The following LIPI variants were observed in gnomAD, a reference collection of about 807,000 sequenced individuals.
LIPI encodes the protein lipase member I.
LIPI carries 59 observed loss-of-function variants against 50.6 expected under a neutral mutation model. That is an observed-to-expected ratio of 1.16 (90% confidence interval 0.94 to 1.45). The LOEUF (loss-of-function observed/expected upper bound fraction) is 1.45, where lower values mean the gene tolerates loss of function less well. Among genes scored for constraint, LIPI ranks in the 40% most tolerant of loss-of-function variants. The pLI is 0.00. For missense variants in LIPI, 586 were observed against 536.3 expected (o/e 1.09, Z -0.92); for synonymous variants, 203 against 178.2 (o/e 1.14, Z -1.11).
chr21:14,137,517 A>G lies in LIPI; in HGVS notation c.1295+7106T>C, dbSNP rs531371515. Among the ~76,000 whole-genome samples the G allele has an allele frequency of 2.4e-3, 360 of 152,290 alleles. 1 individual carries two copies. The highest frequency in any genetic ancestry group is 0.014 in the Middle Eastern group (4 of 294). ...GAAAGAAGAATTAGTGAACTTAAAGACAGGCTATTTGAAAATACAGTCAGA... is the reference window on the plus strand; with the variant it reads ...GAAAGAAGAATTAGTGAACTTAAAGGCAGGCTATTTGAAAATACAGTCAGA... On this transcript the variant is annotated intron_variant, in intron 9 of 9. Transcript: ENST00000681601.
intron 1 of LIPI, among the ~76,000 whole-genome samples, chr21:14,202,530 A>C (rs1302218864): frequency 6.6e-6 from 1 of 152,180 alleles, no homozygotes; most frequent in Non-Finnish European, 1.5e-5. Flanking sequence ...ATAATGCCGC[A>C]TATCTACAAC....
rs540610454 is a variant in LIPI, at chr21:14,134,791, C to T, written c.1295+9832G>A. Among the ~76,000 whole-genome samples the T allele has an allele frequency of 7.9e-5, 12 of 151,970 alleles. No individual in the cohort carries two copies. The East Asian group carries it at 1.2e-3, about 15-fold the overall frequency. On this transcript the variant is annotated intron_variant, in intron 9 of 9. Coordinates refer to ENST00000681601, the MANE Select transcript of LIPI (RefSeq NM_001302998.2). ...CTCCCACCATATACAAAGGTTAATT[C>T]GAGATAAATTGAACACATAAACATA... is the stretch of plus-strand genomic sequence containing the variant.
intron 9 of LIPI, among the ~76,000 whole-genome samples, chr21:14,141,114 A>C (rs898511645): frequency 6.6e-6 from 1 of 152,066 alleles, no homozygotes; most frequent in Non-Finnish European, 1.5e-5. Context: ...CCTGGTTTTC[A>C]GTTCATCCTT....
intron 1 of LIPI, among the ~76,000 whole-genome samples, chr21:14,196,332 A>C (rs2019851622): frequency 6.6e-6 from 1 of 152,190 alleles, no homozygotes; most frequent in Admixed American, 6.5e-5. Flanking sequence ...ACATATTTTA[A>C]ATTTTCATGT....
At chr21:14,202,748 C>A (rs1207403974) in intron 1 of LIPI, among the ~76,000 whole-genome samples, 14 of 151,866 alleles carry the variant, frequency 9.2e-5, no homozygotes, top group South Asian at 4.2e-4. Flanking sequence ...AAACCTAGGC[C>A]ATACCATTCA....
intron 1 of LIPI, among the ~76,000 whole-genome samples, chr21:14,196,839 A>AC (rs2019879976): frequency 6.6e-6 from 1 of 152,114 alleles, no homozygotes; most frequent in Admixed American, 6.6e-5. Flanking sequence ...AACAACAACA[A>AC]AAAATAATCA....
intron 7 of LIPI, 46 bp downstream of exon 7, chr21:14,163,373 A>G: frequency 1.0e-6 from 1 of 964,946 alleles, no homozygotes; most frequent in African/African-American, 1.6e-5. Flanking sequence ...ATTAGTGCAA[A>G]AAAAACTAAA....
At chr21:14,207,828 T>G (rs1261035760) in intron 1 of LIPI, among the ~76,000 whole-genome samples, 1 of 152,226 alleles carries the variant, frequency 6.6e-6, no homozygotes, top group Admixed American at 6.5e-5. Context: ...TAACCTAATT[T>G]ATATTGCTTT....
chr21:14,135,469 A>G (rs923954375), intron 9 of LIPI, among the ~76,000 whole-genome samples: 9 of 152,176 alleles, frequency 5.9e-5, no homozygotes, highest in East Asian at 1.9e-4. Flanking sequence ...GAGTGGCGGC[A>G]TGGTGCAGAG....
chr21:14,135,013 G>A (rs1478049991), intron 9 of LIPI, among the ~76,000 whole-genome samples: 2 of 151,882 alleles, frequency 1.3e-5, no homozygotes, highest in African/African-American at 4.8e-5. Context: ...TTACAGGATG[G>A]GAAAAAAATT....
At chr21:14,114,834 G>A (rs2016561120) in intron 9 of LIPI, among the ~76,000 whole-genome samples, 1 of 152,116 alleles carries the variant, frequency 6.6e-6, no homozygotes, top group South Asian at 2.1e-4. Context: ...TAATCAAATT[G>A]CTCAAAATCA....
chr21:14,133,234 T>C (rs533359972), intron 9 of LIPI, among the ~76,000 whole-genome samples: 3 of 151,882 alleles, frequency 2.0e-5, no homozygotes, highest in Admixed American at 6.6e-5. Flanking sequence ...CTGAAGAAAA[T>C]AGATGCAAAA....
At chr21:14,146,770 C>CCATTT in intron 8 of LIPI, among the ~76,000 whole-genome samples, 1 of 64,890 alleles carries the variant, frequency 1.5e-5, no homozygotes, top group South Asian at 4.3e-4. Context: ...TTCCCAGTCT[C>CCATTT]TATTTTTTTT....
chr21:14,201,940 T>C (rs952201572), intron 1 of LIPI, among the ~76,000 whole-genome samples: 12 of 152,266 alleles, frequency 7.9e-5, no homozygotes, highest in East Asian at 3.9e-4. Context: ...GAAAACCCCA[T>C]TGTCTCAGCC....
intron 9 of LIPI, among the ~76,000 whole-genome samples, chr21:14,112,908 C>A (rs2016473198): frequency 6.6e-6 from 1 of 152,072 alleles, no homozygotes; most frequent in African/African-American, 2.4e-5. Context: ...AGGTTTCCAG[C>A]AATAACACAG....
chr21:14,175,742 T>C (rs1251038480), intron 4 of LIPI, among the ~76,000 whole-genome samples: 1 of 152,178 alleles, frequency 6.6e-6, no homozygotes, highest in African/African-American at 2.4e-5. Context: ...ATCTTCAGAA[T>C]CCAGTTGACT....
intron 5 of LIPI, 106 bp downstream of exon 5, chr21:14,166,256 A>T (rs767372024): frequency 6.6e-6 from 5 of 762,304 alleles, no homozygotes; most frequent in Non-Finnish European, 1.2e-5. Flanking sequence ...ATGGGCAATG[A>T]TGATGAAATC....
intron 2 of LIPI, among the ~76,000 whole-genome samples, chr21:14,187,492 T>G (rs2019496531): frequency 6.6e-6 from 1 of 152,196 alleles, no homozygotes; most frequent in Non-Finnish European, 1.5e-5. Context: ...TCCTCTGTAA[T>G]ATGAAGCCTC....
chr21:14,207,092 G>A, intron 1 of LIPI: 1 of 580,326 alleles, frequency 1.7e-6, no homozygotes, highest in Non-Finnish European at 3.1e-6. Flanking sequence ...AACACTGTAG[G>A]TAAAATGTTA....
Sources: allele counts gnomAD v4.1 joint callset (sites outside exome capture counted in the v4.1 genomes callset), GRCh38; gene constraint gnomAD v4.1.1; transcripts MANE v1.5; gene names NCBI Gene and HGNC (gene_info 2026-07-23, HGNC 2026-07-21).